PTPN3: variants seen among roughly 807,000 people sequenced by gnomAD.
PTPN3 encodes protein tyrosine phosphatase non-receptor type 3, also known as tyrosine-protein phosphatase non-receptor type 3.
In PTPN3, 96 loss-of-function variants were observed where a neutral mutation model predicts 132.7. That is an observed-to-expected ratio of 0.72 (90% CI 0.61 to 0.86). PTPN3 has a LOEUF of 0.86. PTPN3 is among the 40% of genes least tolerant of loss of function. PTPN3 has a pLI of 0.00. For synonymous variants in PTPN3, 398 were observed against 429.0 expected (o/e 0.93, Z 0.89); for missense variants, 1,125 against 1,159.6 (o/e 0.97, Z 0.43).
chr9:109,419,867 G>C (rs191638194), intron 14 of PTPN3, among the ~76,000 whole-genome samples: 370 of 152,282 alleles, frequency 2.4e-3, no homozygotes, highest in Non-Finnish European at 4.3e-3. Flanking sequence ...TTAAAAAAGC[G>C]GGGTGGGGGA....
chr9:109,515,388 C>G, the PTPN3 span, among the ~76,000 whole-genome samples: 1 of 152,090 alleles, frequency 6.6e-6, no homozygotes, highest in African/African-American at 2.4e-5. Context: ...AGTTGCTGCT[C>G]CAGAGGTACT....
chr9:109,531,718 C>T, the PTPN3 span, among the ~76,000 whole-genome samples: 5 of 152,052 alleles, frequency 3.3e-5, no homozygotes, highest in African/African-American at 4.8e-5. Flanking sequence ...CAGTACATCC[C>T]CTCTGCTTGG....
chr9:109,429,525 T>A (rs1396846743), intron 10 of PTPN3, among the ~76,000 whole-genome samples: 2 of 152,216 alleles, frequency 1.3e-5, no homozygotes, highest in Non-Finnish European at 2.9e-5. Flanking sequence ...ACTTTTAAAA[T>A]AAATTTACAG....
the PTPN3 span, among the ~76,000 whole-genome samples, chr9:109,532,023 C>A: frequency 6.6e-6 from 1 of 152,174 alleles, no homozygotes; most frequent in Non-Finnish European, 1.5e-5. Flanking sequence ...CCTCTTTCCT[C>A]TTCATTTCTG....
intron 1 of PTPN3, among the ~76,000 whole-genome samples, chr9:109,479,014 T>C (rs1219585079): frequency 3.3e-5 from 5 of 152,102 alleles, no homozygotes; most frequent in African/African-American, 4.8e-5. Flanking sequence ...CAAGCGTTTT[T>C]TTTTTTTTTA....
intron 12 of PTPN3, among the ~76,000 whole-genome samples, chr9:109,425,154 T>C (rs1006741098): frequency 5.9e-5 from 9 of 152,280 alleles, no homozygotes; most frequent in African/African-American, 2.2e-4. Flanking sequence ...AGCTAAAAAC[T>C]TAATATATTC....
At chr9:109,405,877 T>C (rs936292417) in intron 18 of PTPN3, among the ~76,000 whole-genome samples, 1 of 152,184 alleles carries the variant, frequency 6.6e-6, no homozygotes, top group Non-Finnish European at 1.5e-5. Context: ...TGAGCCACTG[T>C]GCCTGGCCCC....
intron 1 of PTPN3, among the ~76,000 whole-genome samples, chr9:109,468,929 T>C (rs143888409): frequency 6.6e-6 from 1 of 152,384 alleles, no homozygotes; most frequent in Non-Finnish European, 1.5e-5. Flanking sequence ...TATATGAATG[T>C]TCCATTTCTT....
intron 14 of PTPN3, chr9:109,417,871 T>C (rs1423596353): frequency 6.0e-6 from 5 of 828,588 alleles, no homozygotes; most frequent in Non-Finnish European, 1.5e-6. Flanking sequence ...AGCCCCAAGA[T>C]GACACACTTT....
chr9:109,391,907 T>C (rs1002526690), intron 19 of PTPN3, among the ~76,000 whole-genome samples: 10 of 137,196 alleles, frequency 7.3e-5, no homozygotes, highest in Non-Finnish European at 1.2e-4. Flanking sequence ...CAAAATTAAA[T>C]GGAAATCATC....
At position 109,420,436 on chromosome 9, in the gene PTPN3, C is replaced by G. The variant is rs770183844; in HGVS notation, c.1301G>C (p.Ser434Thr). Residue 434 changes from serine (S) to threonine (T), a missense_variant, in exon 14 of 26, where the codon AGC becomes ACC. Transcript: ENST00000374541. The part of the protein sequence containing the change: ...DSDSEVSQNR[S>T]PHQESLSENN... ...ACGAGTTTCTTACTCTTGGTGCGGG[C>G]TTCGGTTCTGAGAAACTTCAGAATC... The G allele has an allele frequency of 6.3e-7, 1 of 1,599,476 alleles. No individual in the cohort carries two copies. Among genetic ancestry groups the G allele is most frequent in the African/African-American group, 1.3e-5 (1 of 74,650 alleles).
At chr9:109,408,406 C>G in intron 16 of PTPN3, 29 bp from the exon 17 acceptor site, 2 of 1,539,590 alleles carry the variant, frequency 1.3e-6, no homozygotes, top group African/African-American at 1.5e-5. Context: ...AAAAACAAAA[C>G]AAAGTTTTTT....
the PTPN3 span, among the ~76,000 whole-genome samples, chr9:109,504,761 T>A: frequency 6.6e-6 from 1 of 151,686 alleles, no homozygotes; most frequent in African/African-American, 2.4e-5. Flanking sequence ...GTAGGGACTT[T>A]AAGATCCTTC....
chr9:109,451,188 A>G, intron 5 of PTPN3: 11 of 967,964 alleles, frequency 1.1e-5, no homozygotes, highest in Non-Finnish European at 1.4e-5. Flanking sequence ...CAGGAGTTTG[A>G]GGCCAGTCTG....
At chr9:109,395,854 A>ATT (rs200143586) in intron 19 of PTPN3, among the ~76,000 whole-genome samples, 91 of 106,110 alleles carry the variant, frequency 8.6e-4, no homozygotes, top group African/African-American at 3.2e-3. Context: ...TCAAGTTCCT[A>ATT]TTTTTTTTTT....
At chr9:109,422,422 G>A (rs962655531) in intron 13 of PTPN3, among the ~76,000 whole-genome samples, 8 of 152,200 alleles carry the variant, frequency 5.3e-5, no homozygotes, top group African/African-American at 1.9e-4. Flanking sequence ...ACGTCTCAGA[G>A]TGTTTAATAT....
intron 1 of PTPN3, among the ~76,000 whole-genome samples, chr9:109,486,249 AT>A (rs1847200882): frequency 1.3e-5 from 2 of 152,214 alleles, no homozygotes; most frequent in African/African-American, 4.8e-5. Flanking sequence ...TATAGCATAC[AT>A]TTTGCAGGGT....
At chr9:109,406,069 C>T (rs1482431028) in intron 18 of PTPN3, among the ~76,000 whole-genome samples, 1 of 152,188 alleles carries the variant, frequency 6.6e-6, no homozygotes, top group Non-Finnish European at 1.5e-5. Flanking sequence ...GCCTCCCCGA[C>T]AAAATCAAAC....
the PTPN3 span, among the ~76,000 whole-genome samples, chr9:109,512,099 G>T: frequency 6.6e-6 from 1 of 152,190 alleles, no homozygotes; most frequent in Non-Finnish European, 1.5e-5. Flanking sequence ...GAGACAGGTG[G>T]CTTGCAGACC....
Sources: allele counts gnomAD v4.1 joint callset (sites outside exome capture counted in the v4.1 genomes callset), GRCh38; gene constraint gnomAD v4.1.1; transcripts MANE v1.5; gene names NCBI Gene and HGNC (gene_info 2026-07-23, HGNC 2026-07-21).